Variants in EEF2K observed in about 807,000 individuals in gnomAD.
EEF2K encodes the protein eukaryotic elongation factor 2 kinase, also known as alternative protein EEF2K.
Under a neutral mutation model 93.8 loss-of-function variants are expected in EEF2K, and 70 were observed. The ratio of observed to expected loss-of-function variants is 0.75; its 90% CI spans 0.62 to 0.91. The LOEUF (loss-of-function observed/expected upper bound fraction) is 0.91. Among genes scored for constraint, EEF2K ranks in the 40% least tolerant of loss-of-function variants. The pLI, the probability that EEF2K is intolerant of heterozygous loss-of-function variation, is 0.00. For missense variants in EEF2K, 935 were observed against 972.9 expected (o/e 0.96, Z 0.52); for synonymous variants, 376 against 380.8 (o/e 0.99, Z 0.15).
At chr16:22,264,251 C>T (rs768672756) in intron 12 of EEF2K, among the ~76,000 whole-genome samples, 3 of 142,290 alleles carry the variant, frequency 2.1e-5, no homozygotes, top group South Asian at 2.2e-4. Flanking sequence ...AAGGTCATGC[C>T]GCTGCACTCC....
rs1207693519 is a variant in EEF2K, at chr16:22,286,643, C to T, written c.*2647C>T. The T allele has an allele frequency of 6.6e-6, 1 of 152,232 alleles. No individual in the cohort carries two copies. Among genetic ancestry groups the T allele is most frequent in the Non-Finnish European group, 1.5e-5 (1 of 68,034 alleles). The allele number at this position is 152,232 out of a possible 1,614,324, so 9.4% of individuals were successfully genotyped here. A position where few individuals can be genotyped will look rare whatever the true frequency, so the allele number is the denominator to read the frequency against. The stretch of plus-strand genomic sequence containing the variant: ...ACTTTATTTACACAAACGGGTGGCC[C>T]TTTTGGGCTGTAGTTTGTCAACCCT... On this transcript the variant is annotated 3_prime_UTR_variant, in exon 18 of 18. Transcript: ENST00000263026.
chr16:22,231,256 T>G (rs1172512643), intron 2 of EEF2K, among the ~76,000 whole-genome samples: 1 of 151,444 alleles, frequency 6.6e-6, no homozygotes, highest in Non-Finnish European at 1.5e-5. Flanking sequence ...GCCTTGCTAA[T>G]TTTTTATTTG....
chr16:22,258,199 G>A (rs117655243), intron 9 of EEF2K, among the ~76,000 whole-genome samples: 1 of 152,056 alleles, frequency 6.6e-6, no homozygotes, highest in Non-Finnish European at 1.5e-5. Flanking sequence ...GACCAGCTTG[G>A]GATGCTGGAC....
chr16:22,263,298 T>C, intron 12 of EEF2K, 111 bp downstream of exon 12: 1 of 949,026 alleles, frequency 1.1e-6, no homozygotes, highest in Non-Finnish European at 1.5e-6. Flanking sequence ...CCTGAGAAGA[T>C]AACAAGTAAA....
intron 1 of EEF2K, among the ~76,000 whole-genome samples, chr16:22,218,556 C>T (rs903189974): frequency 5.9e-5 from 9 of 152,162 alleles, no homozygotes; most frequent in Admixed American, 1.3e-4. Context: ...GATCGAGACC[C>T]AGTGAGACAG....
chr16:22,275,288 C>G (rs2047623380), intron 16 of EEF2K, among the ~76,000 whole-genome samples: 1 of 151,526 alleles, frequency 6.6e-6, no homozygotes, highest in Non-Finnish European at 1.5e-5. Flanking sequence ...GCTATTAACC[C>G]TTTGGTATAC....
chr16:22,237,010 T>C (rs1283735417), intron 2 of EEF2K, among the ~76,000 whole-genome samples: 1 of 134,790 alleles, frequency 7.4e-6, no homozygotes, highest in East Asian at 2.7e-4. Flanking sequence ...AGTGGTGCAA[T>C]CTCAGCTCAT....
intron 2 of EEF2K, among the ~76,000 whole-genome samples, chr16:22,237,375 T>C (rs527911094): frequency 4.6e-4 from 70 of 152,088 alleles, no homozygotes; most frequent in African/African-American, 1.5e-3. Flanking sequence ...CAGTGGCTTA[T>C]GTCTGTAATC....
chr16:22,222,442 C>G (rs1178887393), intron 1 of EEF2K, among the ~76,000 whole-genome samples: 1 of 151,924 alleles, frequency 6.6e-6, no homozygotes, highest in East Asian at 1.9e-4. Context: ...CTTCTGGGCT[C>G]AAGCGATCCT....
At chr16:22,210,686 G>C (rs1017368704) in intron 1 of EEF2K, among the ~76,000 whole-genome samples, 1 of 152,152 alleles carries the variant, frequency 6.6e-6, no homozygotes, top group African/African-American at 2.4e-5. Context: ...AGCTAAGAGC[G>C]ACTAACTCCT....
intron 5 of EEF2K, among the ~76,000 whole-genome samples, chr16:22,250,929 G>A (rs1370203195): frequency 6.6e-6 from 1 of 152,156 alleles, no homozygotes; most frequent in Non-Finnish European, 1.5e-5. Context: ...GGAGGTCAAG[G>A]GAAATGGGAT....
rs188631379 is a variant in EEF2K, at chr16:22,286,291, T to C, written c.*2295T>C. ...CAGTGCATATAAATTGTATGTTAAA[T>C]GTAAGTAACTTTAAGTTGACTTATC... On this transcript the variant is annotated 3_prime_UTR_variant, in exon 18 of 18. Coordinates refer to ENST00000263026, the MANE Select transcript of EEF2K (RefSeq NM_013302.5). 36 of 152,324 alleles carry C rather than the reference T, an allele frequency of 2.4e-4. 1 individual carries two copies. Among genetic ancestry groups the C allele is most frequent in the Admixed American group, 2.2e-3 (33 of 15,296 alleles). The allele number at this position is 152,324 out of a possible 1,614,324, so 9.4% of individuals were successfully genotyped here.
intron 2 of EEF2K, among the ~76,000 whole-genome samples, chr16:22,242,741 C>G (rs778539092): frequency 3.3e-5 from 5 of 152,050 alleles, no homozygotes; most frequent in Non-Finnish European, 5.9e-5. Flanking sequence ...CTGTTCTGCA[C>G]GATGAATTTT....
intron 11 of EEF2K, among the ~76,000 whole-genome samples, chr16:22,260,764 A>C (rs1289504569): frequency 6.6e-6 from 1 of 152,214 alleles, no homozygotes; most frequent in Non-Finnish European, 1.5e-5. Context: ...TGGTTAGGGA[A>C]GAGGGACTCC....
chr16:22,259,060 A>G (rs1381309251), intron 10 of EEF2K, among the ~76,000 whole-genome samples: 1 of 152,234 alleles, frequency 6.6e-6, no homozygotes, highest in African/African-American at 2.4e-5. Context: ...TAAAAATAGT[A>G]CTATGTTAAA....
chr16:22,263,772 A>G (rs1426011351), intron 12 of EEF2K, among the ~76,000 whole-genome samples: 1 of 152,156 alleles, frequency 6.6e-6, no homozygotes, highest in Non-Finnish European at 1.5e-5. Flanking sequence ...CTGAGCAGAG[A>G]GGATCCTGGG....
chr16:22,256,680 C>T, intron 6 of EEF2K, 68 bp from the exon 7 acceptor site: 1 of 1,547,636 alleles, frequency 6.5e-7, no homozygotes, highest in East Asian at 2.3e-5. Flanking sequence ...TCTGAGCCCT[C>T]CCCTTGCCGC....
intron 10 of EEF2K, among the ~76,000 whole-genome samples, chr16:22,259,949 C>T (rs992321071): frequency 1.1e-4 from 16 of 152,246 alleles, no homozygotes; most frequent in Admixed American, 4.6e-4. Context: ...GATGGGGTTT[C>T]ACTATGTTGG....
At chr16:22,267,715 A>C (rs1164317542) in intron 15 of EEF2K, among the ~76,000 whole-genome samples, 1 of 152,144 alleles carries the variant, frequency 6.6e-6, no homozygotes, top group African/African-American at 2.4e-5. Context: ...GCTTAGGCCC[A>C]GAGGTGAGAG....
Sources: gnomAD v4.1 joint callset for allele counts (sites outside exome capture counted in the v4.1 genomes callset) on GRCh38, gnomAD v4.1.1 for gene constraint, MANE v1.5 for transcripts, NCBI Gene and HGNC (gene_info 2026-07-23, HGNC 2026-07-21) for gene names.